DNAJB1: variants seen among roughly 807,000 people sequenced by gnomAD.
The protein encoded by DNAJB1 is DnaJ heat shock protein family (Hsp40) member B1, also known as dnaJ homolog subfamily B member 1.
In DNAJB1, 14 loss-of-function variants were observed where a neutral mutation model predicts 24.0. That is an observed-to-expected ratio of 0.58 (90% CI 0.39 to 0.91). The LOEUF is 0.91. Ranked by LOEUF, DNAJB1 falls within the 40% of genes least tolerant of loss-of-function variation. DNAJB1 has a pLI of 0.00. For synonymous variants in DNAJB1, 262 were observed against 174.4 expected, an observed-to-expected ratio of 1.50 and a Z score of -3.96; for missense variants, 517 against 458.1, an observed-to-expected ratio of 1.13 and a Z score of -1.17.
chr19:14,523,588 A>G (rs532750490), intron 2 of DNAJB1, among the ~76,000 whole-genome samples: 9 of 150,458 alleles, frequency 6.0e-5, no homozygotes, highest in Admixed American at 4.0e-4. Flanking sequence ...CTGGGATTAC[A>G]AGGGTTGAAC....
upstream of DNAJB1, chr19:14,529,757 C>A: frequency 2.5e-6 from 4 of 1,613,562 alleles, no homozygotes; most frequent in Non-Finnish European, 3.4e-6. Flanking sequence ...CTGACCCATT[C>A]TTTTTCCTTC....
upstream of DNAJB1, among the ~76,000 whole-genome samples, chr19:14,551,401 A>T (rs1438040071): frequency 6.6e-6 from 1 of 151,992 alleles, no homozygotes; most frequent in Non-Finnish European, 1.5e-5. Flanking sequence ...GTAGAGAAGG[A>T]GTTTTGACAT....
upstream of DNAJB1, among the ~76,000 whole-genome samples, chr19:14,555,116 C>T (rs371294845): frequency 9.2e-5 from 14 of 151,806 alleles, no homozygotes; most frequent in African/African-American, 3.4e-4. Context: ...GCTTTGTCCC[C>T]CAGGCAGGGG....
At chr19:14,554,587 T>C (rs1441260133), upstream of DNAJB1, among the ~76,000 whole-genome samples, 1 of 152,186 alleles carries the variant, frequency 6.6e-6, no homozygotes, top group Non-Finnish European at 1.5e-5. Context: ...TGCATGGCTG[T>C]GTGTGCCAGG....
chr19:14,529,947 T>C, upstream of DNAJB1: 1 of 610,900 alleles, frequency 1.6e-6, no homozygotes, highest in Admixed American at 2.9e-5. Flanking sequence ...TTCTTGGGGG[T>C]CTCTGCAGGG....
chr19:14,549,804 A>G (rs1045554164), intron 1 of DNAJB1, among the ~76,000 whole-genome samples: 4 of 151,930 alleles, frequency 2.6e-5, no homozygotes, highest in African/African-American at 9.7e-5. Context: ...TTAGCTGGGC[A>G]TGGTGGCATG....
At chr19:14,552,171 T>C (rs1056111495), upstream of DNAJB1, among the ~76,000 whole-genome samples, 1 of 147,820 alleles carries the variant, frequency 6.8e-6, no homozygotes, top group Non-Finnish European at 1.5e-5. Flanking sequence ...CTTTCTTTTT[T>C]CTTTTTTTTT....
intron 1 of DNAJB1, among the ~76,000 whole-genome samples, chr19:14,539,028 C>T (rs1223914324): frequency 6.7e-6 from 1 of 149,032 alleles, no homozygotes; most frequent in East Asian, 2.0e-4. Context: ...GGCTGGAGTT[C>T]AGTGGCTCCA....
chr19:14,517,983 C>G (rs1279938545), intron 1 of DNAJB1, 156 bp downstream of exon 1: 9 of 788,436 alleles, frequency 1.1e-5, no homozygotes, highest in African/African-American at 1.8e-5. Context: ...GCGCGGCCGC[C>G]AATCCGAGGG....
intron 1 of DNAJB1, among the ~76,000 whole-genome samples, chr19:14,535,506 CAAAAAAAAAAAAAAAAAAAAAA>C (rs1172079027): frequency 2.5e-3 from 43 of 17,160 alleles, no homozygotes; most frequent in African/African-American, 0.011. Context: ...GACTCCGTCT[CAAAAAAAAAAAAAAAAAAAAAA>C]AAAAAAAAAA....
chr19:14,543,734 G>A (rs781629895), intron 1 of DNAJB1, among the ~76,000 whole-genome samples: 7 of 148,538 alleles, frequency 4.7e-5, no homozygotes, highest in Admixed American at 2.7e-4. Context: ...CACCGCGCCC[G>A]GCTATATATA....
chr19:14,549,527 A>G (rs1288482337), intron 1 of DNAJB1, among the ~76,000 whole-genome samples: 3 of 151,986 alleles, frequency 2.0e-5, no homozygotes, highest in East Asian at 1.9e-4. Context: ...GGGTCTTACT[A>G]TGTTGCCCAG....
chr19:14,523,383 C>G (rs1467478926), upstream of DNAJB1, among the ~76,000 whole-genome samples: 1 of 150,684 alleles, frequency 6.6e-6, no homozygotes, highest in Non-Finnish European at 1.5e-5. Flanking sequence ...GGTGTGATCT[C>G]AGCTCACTGC....
intron 2 of DNAJB1, 96 bp from the exon 3 acceptor site, chr19:14,516,266 T>G: frequency 1.4e-6 from 2 of 1,428,086 alleles, no homozygotes; most frequent in Admixed American, 4.6e-5. Context: ...CCATCAGGCC[T>G]CTGCAGCTAA....
intron 2 of DNAJB1, among the ~76,000 whole-genome samples, chr19:14,523,464 C>A (rs1030587337): frequency 1.3e-5 from 2 of 151,760 alleles, no homozygotes; most frequent in Non-Finnish European, 2.9e-5. Context: ...TAGGTGCCTA[C>A]CACCACACCT....
upstream of DNAJB1, chr19:14,530,565 A>G (rs998851355): frequency 1.3e-5 from 2 of 152,206 alleles, no homozygotes; most frequent in East Asian, 3.8e-4. Context: ...TATAAGAACT[A>G]TTATTATTCC....
In DNAJB1 at chr19:14,516,742, A is replaced by G; in HGVS notation, c.516T>C (p.Leu172=). The change falls in exon 2 of 3, where the codon CTT becomes CTC. Residue 172 remains leucine (L), a synonymous_variant. Transcript: ENST00000254322. ...TGGTACAGCCGCTGTAGATCTCTTC[A>G]AGGGAGACTCGAAGGTCGTGGGTGA... is the stretch of plus-strand genomic sequence containing the variant. ...PPVTHDLRVS[L]EEIYSGCTKK... 1 of 1,613,886 alleles carries G rather than the reference A, an allele frequency of 6.2e-7. No homozygotes were observed. The highest frequency in any genetic ancestry group is 1.1e-5 in the South Asian group (1 of 91,060).
chr19:14,554,481 A>G (rs765672466), upstream of DNAJB1, among the ~76,000 whole-genome samples: 4 of 152,182 alleles, frequency 2.6e-5, no homozygotes, highest in Non-Finnish European at 2.9e-5. Context: ...CAGCAAGGCC[A>G]TTGAACCTGC....
chr19:14,551,914 C>T (rs189970113), upstream of DNAJB1, among the ~76,000 whole-genome samples: 10 of 129,406 alleles, frequency 7.7e-5, no homozygotes, highest in Non-Finnish European at 1.5e-4. Context: ...TCTCTCTCCC[C>T]CTCCCTCCCT....
Sources: allele counts gnomAD v4.1 joint callset (sites outside exome capture counted in the v4.1 genomes callset), GRCh38; gene constraint gnomAD v4.1.1; transcripts MANE v1.5; gene names NCBI Gene and HGNC (gene_info 2026-07-23, HGNC 2026-07-21).